The following HECTD3 variants were observed in gnomAD, a reference collection of about 807,000 sequenced individuals.
HECTD3 encodes HECT domain E3 ubiquitin protein ligase 3, also known as E3 ubiquitin-protein ligase HECTD3.
HECTD3 carries 72 observed loss-of-function variants against 109.3 expected under a neutral mutation model. The ratio of observed to expected loss-of-function variants is 0.66; its 90% CI spans 0.54 to 0.80. The LOEUF is 0.80. HECTD3 is among the 30% of genes least tolerant of loss of function. The pLI is 0.00. For missense variants in HECTD3, 1,041 were observed against 1,165.2 expected (o/e 0.89, Z 1.55); for synonymous variants, 481 against 471.8 (o/e 1.02, Z -0.25).
chr1:45,007,141 TG>T, intron 11 of HECTD3, 77 bp downstream of exon 11: 1 of 1,426,020 alleles, frequency 7.0e-7, no homozygotes, highest in South Asian at 1.2e-5. Context: ...TGTGTGTGTG[TG>T]TGTGTGTGTG....
chr1:45,011,175 C>T lies in HECTD3; in HGVS notation c.83G>A (p.Arg28Gln), dbSNP rs1411121659. Residue 28 changes from arginine (R) to glutamine (Q), a missense_variant, in exon 1 of 21, where the codon CGG becomes CAG. Coordinates refer to ENST00000372172, the MANE Select transcript of HECTD3 (RefSeq NM_024602.6). ...CAGCGGCCGCCCGGCGCGGAGGCTC[C>T]GCGCTGCCTCTGCCAAGAAGCGCAC... ...GRVRFLAEAA[R>Q]SLRAGRPLPA... is the part of the protein sequence containing the mutation. 6 of 1,489,302 alleles carry T rather than the reference C, an allele frequency of 4.0e-6. No homozygotes were observed. In the East Asian group the frequency reaches 1.4e-4, roughly 35 times the overall value. The allele number at this position is 1,489,302 out of a possible 1,614,324, so 92.3% of individuals were successfully genotyped here. A position where few individuals can be genotyped will look rare whatever the true frequency, so the allele number is the denominator to read the frequency against.
chr1:45,007,656 G>A lies in HECTD3; in HGVS notation c.1321-61C>T, dbSNP rs945708354. Reference sequence around the variant, plus strand: ...GGCAGTCAGCCTCCGTCCAGGCCCTGGAACTTTCCCCTCTGCCTGTATCCA... The same window carrying A: ...GGCAGTCAGCCTCCGTCCAGGCCCTAGAACTTTCCCCTCTGCCTGTATCCA... On this transcript the variant is annotated intron_variant, in intron 9 of 20. Transcript: ENST00000372172. 5.0e-6 allele frequency: 7 copies of A among 1,412,022 alleles called. No individual in the cohort carries two copies. The African/African-American group carries it at 9.8e-5, about 20-fold the overall frequency. The allele number at this position is 1,412,022 out of a possible 1,614,324, so 87.5% of individuals were successfully genotyped here.
Position 45,004,675 on chromosome 1 carries a change from G to A in HECTD3, c.2067C>T (p.Ile689=), listed in dbSNP as rs778468212. 26 of 1,614,050 alleles carry A rather than the reference G, an allele frequency of 1.6e-5. No individual in the cohort carries two copies. Among genetic ancestry groups the A allele is most frequent in the Admixed American group, 5.0e-5 (3 of 60,000 alleles). ...GAGAACGGTCCCCATATCCCACGAC[G>A]ATGCCTGCACCCCCAGGGATCAGCT... ...VVELIPGGAG[I]VVGYGDRSRF... is the part of the protein sequence containing the mutation. Residue 689 remains isoleucine (I), a synonymous_variant, in exon 16 of 21, where the codon ATC becomes ATT. Coordinates refer to ENST00000372172, the MANE Select transcript of HECTD3 (RefSeq NM_024602.6).
Position 45,010,955 on chromosome 1 carries a change from G to A in HECTD3, c.303C>T (p.Gly101=). Residue 101 remains glycine (G), a synonymous_variant, in exon 1 of 21, where the codon GGC becomes GGT. Coordinates refer to ENST00000372172, the MANE Select transcript of HECTD3 (RefSeq NM_024602.6). ...CCTCGCCCGTGGTGCGCACGCAGGC[G>A]CCGCGCCGGAGCTCAATGCTGTCGC... ...AARDSIELRR[G]ACVRTTGEEL... 6.5e-7 allele frequency: 1 copy of A among 1,535,144 alleles called. No homozygotes were observed. The highest frequency in any genetic ancestry group is 1.2e-5 in the South Asian group (1 of 83,502).
At position 45,007,427 on chromosome 1, in the gene HECTD3, C is replaced by A; in HGVS notation, c.1489G>T (p.Ala497Ser). 6.2e-7 allele frequency: 1 copy of A among 1,614,146 alleles called. No individual in the cohort carries two copies. The highest frequency in any genetic ancestry group is 8.5e-7 in the Non-Finnish European group (1 of 1,180,010). The change falls in exon 10 of 21, where the codon GCA becomes TCA. Residue 497 changes from alanine to serine, a missense_variant. Physicochemically the swap from Ala to Ser is moderately conservative, Grantham distance 99 (BLOSUM62 1). Coordinates refer to ENST00000372172, the MANE Select transcript of HECTD3 (RefSeq NM_024602.6). ...GTGGTGCAGACCTGGGTGAAGACTGCATTCTTGCAGGCAGGGTCTCGAGAG... is the reference window on the plus strand; with the variant it reads ...GTGGTGCAGACCTGGGTGAAGACTGAATTCTTGCAGGCAGGGTCTCGAGAG... ...CPSRDPACKN[A>S]VFTQVYEGLK...
rs200033925 is a variant in HECTD3 at position 45,009,371 on chromosome 1, G to C, written c.987C>G (p.Asp329Glu). 1.2e-6 allele frequency: 2 copies of C among 1,609,726 alleles called. No individual in the cohort carries two copies. The highest frequency in any genetic ancestry group is 1.7e-6 in the Non-Finnish European group (2 of 1,176,124). ...NLKKLSDVSI[D>E]ETLIGDVCVL... Reference sequence around the variant, plus strand: ...CCTCCCCAGGCCAGCGTGCTCACTCGTCAATGCTCACGTCACTCAGCTTCT... The same window carrying C: ...CCTCCCCAGGCCAGCGTGCTCACTCCTCAATGCTCACGTCACTCAGCTTCT... Residue 329 changes from aspartate (D) to glutamate (E), a missense_variant and splice_region_variant, in exon 6 of 21, where the codon GAC becomes GAG. Transcript: ENST00000372172.
intron 15 of HECTD3, 133 bp downstream of exon 15, chr1:45,005,661 G>A (rs1345715308): frequency 5.8e-6 from 4 of 690,822 alleles, no homozygotes; most frequent in African/African-American, 5.4e-5. Flanking sequence ...ACAGACAGTA[G>A]TTGAAGCCAT....
At position 45,007,510 on chromosome 1, in the gene HECTD3, C is replaced by A; in HGVS notation, c.1406G>T (p.Ser469Ile). Residue 469 changes from serine to isoleucine, a missense_variant, in exon 10 of 21, where the codon AGC becomes ATC. Around this residue, in one of 2 missense-constraint regions of HECTD3, gnomAD observed 569 missense variants for 715.3 expected, o/e 0.80. Coordinates refer to ENST00000372172, the MANE Select transcript of HECTD3 (RefSeq NM_024602.6). ...CLRDSESSKP[S>I]FMPRLYINRR... ...GTTGATGTATAGGCGTGGCATGAAG[C>A]TGGGCTTGCTGCTCTCAGAGTCACG... is the stretch of plus-strand genomic sequence containing the variant. The A allele has an allele frequency of 1.2e-6, 2 of 1,614,086 alleles. No homozygotes were observed. The highest frequency in any genetic ancestry group is 1.7e-6 in the Non-Finnish European group (2 of 1,180,034).
rs926320407 is a variant in HECTD3, at chr1:45,007,419, G to A, written c.1497C>T (p.Phe499=). ...SRDPACKNAV[F]TQVYEGLKPS... The stretch of plus-strand genomic sequence containing the variant: ...GACCCTAGGTGGTGCAGACCTGGGT[G>A]AAGACTGCATTCTTGCAGGCAGGGT... Residue 499 remains phenylalanine, a synonymous_variant, in exon 10 of 21, where the codon TTC becomes TTT. Coordinates refer to ENST00000372172, the MANE Select transcript of HECTD3 (RefSeq NM_024602.6). 1.9e-6 allele frequency: 3 copies of A among 1,614,138 alleles called. No homozygotes were observed. In the African/African-American group the frequency reaches 4.0e-5, roughly 22 times the overall value.
chr1:45,004,220 C>T (rs1391428503), intron 17 of HECTD3, 28 bp downstream of exon 17: 1 of 1,613,974 alleles, frequency 6.2e-7, no homozygotes, highest in Non-Finnish European at 8.5e-7. Context: ...CTGTGCTGCC[C>T]TGCCCTGCCC....
At chr1:45,005,468 G>T (rs974439721) in intron 15 of HECTD3, 6 of 265,478 alleles carry the variant, frequency 2.3e-5, no homozygotes, top group Non-Finnish European at 4.3e-5. Context: ...GGATGGGGAG[G>T]AGTGGGACAT....
Position 45,005,802 on chromosome 1 carries a change from A to T in HECTD3, c.1927T>A (p.Ser643Thr). Residue 643 changes from serine (S) to threonine (T), a missense_variant, in exon 15 of 21, where the codon TCT (serine) becomes ACT (threonine). Coordinates refer to ENST00000372172, the MANE Select transcript of HECTD3 (RefSeq NM_024602.6). The stretch of plus-strand genomic sequence containing the variant: ...TTCCAGGTCCTACTCACCAGCACAG[A>T]GTCCACAGCTGGGAAGTCCTTGCTC... Reference protein sequence around the residue: ...SWSKDFPAVDSVLVKLLEVME... With the variant: ...SWSKDFPAVDTVLVKLLEVME... The T allele has an allele frequency of 6.3e-7, 1 of 1,595,386 alleles. No individual in the cohort carries two copies. The highest frequency in any genetic ancestry group is 8.5e-7 in the Non-Finnish European group (1 of 1,171,338).
At chr1:45,007,112 G>T (rs1403106550) in intron 11 of HECTD3, 97 bp from the exon 12 acceptor site, 2 of 1,542,542 alleles carry the variant, frequency 1.3e-6, no homozygotes, top group Admixed American at 1.7e-5. Flanking sequence ...CATGGCGAGG[G>T]GTGCCTCGAG....
Position 45,007,025 on chromosome 1 carries a change from A to C in HECTD3, c.1557-10T>G. The C allele has an allele frequency of 6.2e-7, 1 of 1,613,980 alleles. No homozygotes were observed. Among genetic ancestry groups the C allele is most frequent in the South Asian group, 1.1e-5 (1 of 91,070 alleles). On this transcript the variant is annotated splice_polypyrimidine_tract_variant and intron_variant, in intron 11 of 20. Coordinates refer to ENST00000372172, the MANE Select transcript of HECTD3 (RefSeq NM_024602.6). ...ATAGCGCATGGGCCACCTGCAAAAA[A>C]CGTGGGCAGATTTGTCATTATGTGG...
chr1:45,005,071 G>C (rs560584003), intron 15 of HECTD3: 1 of 550,680 alleles, frequency 1.8e-6, no homozygotes, highest in African/African-American at 1.9e-5. Flanking sequence ...AGTTAGGAGA[G>C]AGAACATCTT....
At chr1:45,009,907 A>C in intron 4 of HECTD3, 79 bp downstream of exon 4, 1 of 1,494,288 alleles carries the variant, frequency 6.7e-7, no homozygotes, top group East Asian at 2.3e-5. Context: ...CCTGGCCTGC[A>C]GGTGGGGGTT....
Position 45,004,627 on chromosome 1 carries a change from C to T in HECTD3, c.2115G>A (p.Lys705=). The change falls in exon 16 of 21, where the codon AAG becomes AAA. Residue 705 remains lysine, a synonymous_variant. Transcript: ENST00000372172. ...GCTCCTTGCTCTCCTCTAGCCGTGCCTTCTGGACCAGTTGGATGAAACGAG... is the reference window on the plus strand; with the variant it reads ...GCTCCTTGCTCTCCTCTAGCCGTGCTTTCTGGACCAGTTGGATGAAACGAG... ...DRSRFIQLVQ[K]ARLEESKEQV... is the part of the protein sequence containing the mutation. The T allele has an allele frequency of 1.9e-6, 3 of 1,614,204 alleles. No homozygotes were observed. Among genetic ancestry groups the T allele is most frequent in the Non-Finnish European group, 2.5e-6 (3 of 1,180,034 alleles).
At position 45,006,044 on chromosome 1, in the gene HECTD3, A is replaced by G; in HGVS notation, c.1798T>C (p.Trp600Arg). ...PSCRDFAKYE[W>R]IGQLMGAALR... ...GCAGCCCCCATCAGCTGTCCGATCC[A>G]TTCATACTTGGCAAAGTCTCGGCAG... The change falls in exon 14 of 21, where the codon TGG (tryptophan) becomes CGG (arginine). Residue 600 changes from tryptophan (W) to arginine (R), a missense_variant. Physicochemically the swap from Trp to Arg is moderately radical, Grantham distance 101. Transcript: ENST00000372172. The surrounding 1 kb of genome is among the most constrained non-coding windows in gnomAD (Gnocchi z 4.7). The G allele has an allele frequency of 6.2e-7, 1 of 1,614,142 alleles. No individual in the cohort carries two copies. Among genetic ancestry groups the G allele is most frequent in the Non-Finnish European group, 8.5e-7 (1 of 1,180,016 alleles).
Position 45,004,726 on chromosome 1 carries a change from A to G in HECTD3, c.2016T>C (p.Thr672=). The G allele has an allele frequency of 1.2e-6, 2 of 1,614,178 alleles. No homozygotes were observed. Among genetic ancestry groups the G allele is most frequent in the Non-Finnish European group, 1.7e-6 (2 of 1,180,000 alleles). ...FKFGKELTFT[T]VLSDQQVVEL... ...CCACCACCTGTTGGTCACTCAGTACAGTGGTGAATGTTAGTTCCTTCCCAA... is the reference window on the plus strand; with the variant it reads ...CCACCACCTGTTGGTCACTCAGTACGGTGGTGAATGTTAGTTCCTTCCCAA... Residue 672 remains threonine, a synonymous_variant, in exon 16 of 21, where the codon ACT becomes ACC. Coordinates refer to ENST00000372172, the MANE Select transcript of HECTD3 (RefSeq NM_024602.6).
Sources: gnomAD v4.1 joint callset for allele counts on GRCh38, gnomAD v4.1.1 for gene constraint, gnomAD v4.1.1 regional missense constraint, Gnocchi (gnomAD v3.1) non-coding constraint, MANE v1.5 for transcripts, NCBI Gene and HGNC (gene_info 2026-07-23, HGNC 2026-07-21) for gene names.